The following NF2 variants were observed in gnomAD, a reference collection of about 807,000 sequenced individuals.
NF2 encodes merlin.
NF2 carries 8 observed loss-of-function variants against 83.7 expected under a neutral mutation model. The observed-to-expected ratio is 0.10, with a 90% CI of 0.06 to 0.17. The LOEUF is 0.17. Among genes scored for constraint, NF2 ranks in the 10% least tolerant of loss-of-function variants. NF2 has a pLI of 1.00. For missense variants in NF2, 533 were observed against 744.4 expected, an observed-to-expected ratio of 0.72 and a Z score of 3.31; for synonymous variants, 266 against 269.6, an observed-to-expected ratio of 0.99 and a Z score of 0.13.
chr22:29,669,884 C>A (rs1007677773), intron 10 of NF2, among the ~76,000 whole-genome samples: 1 of 152,120 alleles, frequency 6.6e-6, no homozygotes, highest in Admixed American at 6.6e-5. Context: ...GATGAAGGGA[C>A]GTATATTACA....
intron 1 of NF2, among the ~76,000 whole-genome samples, chr22:29,615,027 T>C (rs1286092607): frequency 1.3e-5 from 2 of 151,862 alleles, no homozygotes; most frequent in Non-Finnish European, 2.9e-5. Context: ...CTACTAAAAA[T>C]ACAAAAATTA....
At chr22:29,676,919 A>C (rs2066980266) in intron 13 of NF2, among the ~76,000 whole-genome samples, 1 of 125,772 alleles carries the variant, frequency 8.0e-6, no homozygotes, top group Non-Finnish European at 1.9e-5. Context: ...AGTTTGAAGA[A>C]TTTTCACAAA....
At chr22:29,686,709 G>T (rs1011624972) in intron 15 of NF2, among the ~76,000 whole-genome samples, 1 of 152,258 alleles carries the variant, frequency 6.6e-6, no homozygotes, top group Non-Finnish European at 1.5e-5. Context: ...GGGTTTGCAA[G>T]GATGTATTTT....
intron 1 of NF2, among the ~76,000 whole-genome samples, chr22:29,621,923 C>A (rs542379808): frequency 6.6e-6 from 1 of 152,266 alleles, no homozygotes; most frequent in Admixed American, 6.5e-5. Context: ...AGGGTTTCCT[C>A]TTCTTTGTGT....
chr22:29,623,902 A>G (rs1480124768), intron 1 of NF2, among the ~76,000 whole-genome samples: 7 of 152,202 alleles, frequency 4.6e-5, no homozygotes, highest in Non-Finnish European at 8.8e-5. Flanking sequence ...CCTCAGCTTT[A>G]GCGTCTTATT....
chr22:29,690,784 G>A (rs771456616), intron 15 of NF2, among the ~76,000 whole-genome samples: 6 of 152,312 alleles, frequency 3.9e-5, no homozygotes, highest in Admixed American at 6.5e-5. Flanking sequence ...TGCCTGGTGC[G>A]GAGGCTTCAT....
At position 29,664,838 on chromosome 22, in the gene NF2, C is replaced by T. The variant is rs982606973; in HGVS notation, c.811-152C>T. ...CCCGAGACTTGGTGCTCCTAATTCC[C>T]TGAGGTTTAGTGCCTGGATACTGGG... is the stretch of plus-strand genomic sequence containing the variant. On this transcript the variant is annotated intron_variant, in intron 8 of 15. Coordinates refer to ENST00000338641, the MANE Select transcript of NF2 (RefSeq NM_000268.4). 7.0e-6 allele frequency: 5 copies of T among 711,892 alleles called. No homozygotes were observed. The African/African-American group carries it at 8.8e-5, about 12-fold the overall frequency. 44.1% of individuals were successfully genotyped at this position (711,892 alleles called of 1,614,324 possible).
chr22:29,665,139 A>G, intron 9 of NF2, 75 bp downstream of exon 9: 8 of 1,121,132 alleles, frequency 7.1e-6, no homozygotes, highest in Non-Finnish European at 1.1e-5. Context: ...TTTAAAGGAT[A>G]TCAGAGTGAC....
chr22:29,638,149 T>C (rs1426117201), intron 2 of NF2, among the ~76,000 whole-genome samples: 1 of 152,184 alleles, frequency 6.6e-6, no homozygotes, highest in African/African-American at 2.4e-5. Flanking sequence ...GGAGAGCAGA[T>C]GGTTCAAGCT....
chr22:29,644,918 AGGGAGAGGGAGACCATG>A (rs1238151440), intron 4 of NF2, among the ~76,000 whole-genome samples: 53 of 150,320 alleles, frequency 3.5e-4, no homozygotes, highest in East Asian at 2.7e-3. Context: ...GTGGAAAGAG[AGGGAGAGGGAGACCATG>A]GGGAGAGGGA....
At chr22:29,660,626 G>A (rs1453642678) in intron 7 of NF2, among the ~76,000 whole-genome samples, 1 of 152,046 alleles carries the variant, frequency 6.6e-6, no homozygotes, top group Non-Finnish European at 1.5e-5. Context: ...CTGGAGTGCC[G>A]GGGCACCATC....
At chr22:29,618,485 C>T (rs775678357) in intron 1 of NF2, among the ~76,000 whole-genome samples, 2 of 152,136 alleles carry the variant, frequency 1.3e-5, no homozygotes, top group Non-Finnish European at 2.9e-5. Flanking sequence ...AAATCTCCTG[C>T]ACTACTTGCT....
intron 13 of NF2, among the ~76,000 whole-genome samples, chr22:29,675,463 GCATT>G (rs2066933085): frequency 1.3e-5 from 2 of 149,906 alleles, no homozygotes; most frequent in South Asian, 2.1e-4. Context: ...TTTCTTCTGT[GCATT>G]CAGTTTGGCA....
rs548122288 is a variant in NF2, at chr22:29,642,853, T to A, written c.447+568T>A. On this transcript the variant is annotated intron_variant, in intron 4 of 15. Coordinates refer to ENST00000338641, the MANE Select transcript of NF2 (RefSeq NM_000268.4). ...CTGCTTCATCTGCCCCTGATTGACA[T>A]GCTAGCTGTTCATGTGGCTAAGCAC... 2.0e-5 allele frequency among the ~76,000 whole-genome samples: 3 copies of A among 152,318 alleles called. No homozygotes were observed. The East Asian group carries it at 5.8e-4, about 29-fold the overall frequency.
chr22:29,670,345 T>A (rs112569330), intron 10 of NF2, among the ~76,000 whole-genome samples: 4,482 of 152,124 alleles, frequency 0.029, 227 homozygotes, highest in African/African-American at 0.1. Flanking sequence ...TCTTTTTTTT[T>A]AAAAGAATTG....
Position 29,696,696 on chromosome 22 carries a change from G to A in NF2, c.*1894G>A, listed in dbSNP as rs141268194. The A allele has an allele frequency of 1.5e-4, 33 of 221,568 alleles. No homozygotes were observed. In the East Asian group the frequency reaches 2.0e-3, roughly 14 times the overall value. 13.7% of individuals were successfully genotyped at this position (221,568 alleles called of 1,614,324 possible). ...CAGGGTGGGACTCCAGACCTAGAGC[G>A]TAAGTATGGATGTTGTGGCCCTGTG... On this transcript the variant is annotated 3_prime_UTR_variant, in exon 16 of 16. Transcript: ENST00000338641.
intron 8 of NF2, among the ~76,000 whole-genome samples, chr22:29,662,015 T>G (rs1361510354): frequency 1.3e-5 from 2 of 152,364 alleles, no homozygotes; most frequent in African/African-American, 4.8e-5. Flanking sequence ...ATTTAAATAT[T>G]TCCATATAGG....
At chr22:29,683,199 C>G (rs1173550871) in intron 15 of NF2, 6 of 1,604,382 alleles carry the variant, frequency 3.7e-6, no homozygotes, top group African/African-American at 1.3e-5. Context: ...TGGGTACTGG[C>G]CGCAGCATGC....
rs979086537 is a variant in NF2, at chr22:29,682,220, G to C, written c.1737+619G>C. On this transcript the variant is annotated intron_variant, in intron 15 of 15. Transcript: ENST00000338641. ...CCAAGAGCATACCTCTCTCATTTGGGCCAAGCAGAAGGGTCCTCTCATACC... is the reference window on the plus strand; with the variant it reads ...CCAAGAGCATACCTCTCTCATTTGGCCCAAGCAGAAGGGTCCTCTCATACC... Among the ~76,000 whole-genome samples the C allele has an allele frequency of 2.0e-5, 3 of 152,050 alleles. No homozygotes were observed. The South Asian group carries it at 6.2e-4, about 32-fold the overall frequency.
Sources: allele counts gnomAD v4.1 joint callset (sites outside exome capture counted in the v4.1 genomes callset), GRCh38; gene constraint gnomAD v4.1.1; transcripts MANE v1.5; gene names NCBI Gene and HGNC (gene_info 2026-07-23, HGNC 2026-07-21).